The following RANBP9 variants were observed in gnomAD, a reference collection of about 807,000 sequenced individuals.
RANBP9 encodes the protein RAN binding protein 9, also known as ran-binding protein 9.
RANBP9 carries 15 observed loss-of-function variants against 84.3 expected under a neutral mutation model. The ratio of observed to expected loss-of-function variants is 0.18; its 90% confidence interval spans 0.12 to 0.27. RANBP9 has a LOEUF of 0.27. RANBP9 is among the 10% of genes least tolerant of loss of function. The pLI, the probability that RANBP9 is intolerant of heterozygous loss-of-function variation, is 1.00. For missense variants in RANBP9, 809 were observed against 912.8 expected (o/e 0.89, Z 1.46); for synonymous variants, 392 against 349.6 (o/e 1.12, Z -1.35).
chr6:13,703,036 A>G (rs1758014080), intron 1 of RANBP9, among the ~76,000 whole-genome samples: 1 of 152,182 alleles, frequency 6.6e-6, no homozygotes, highest in African/African-American at 2.4e-5. Flanking sequence ...TGTTTGAGAC[A>G]GTGTCTCATT....
At chr6:13,650,326 A>C (rs901486022) in intron 5 of RANBP9, among the ~76,000 whole-genome samples, 3 of 151,998 alleles carry the variant, frequency 2.0e-5, no homozygotes, top group Non-Finnish European at 2.9e-5. Context: ...CTTGGCTTAA[A>C]ATTATTTTCT....
In RANBP9 at chr6:13,623,891, T is replaced by C. The variant is rs186238016; in HGVS notation, c.2060-1399A>G. ...GTCTATAGATAATGGTGCTCAACAA[T>C]TAAATTCCCTTGAAGAACTCAAGAA... On this transcript the variant is annotated intron_variant, in intron 13 of 13. Transcript: ENST00000011619. Among the ~76,000 whole-genome samples, 12 of 152,290 alleles carry C rather than the reference T, an allele frequency of 7.9e-5. No individual in the cohort carries two copies. In the East Asian group the frequency reaches 2.3e-3, roughly 29 times the overall value.
At chr6:13,667,155 T>C (rs1765669138) in intron 2 of RANBP9, among the ~76,000 whole-genome samples, 1 of 152,216 alleles carries the variant, frequency 6.6e-6, no homozygotes, top group East Asian at 1.9e-4. Flanking sequence ...TCACAAATTA[T>C]GCATTTATTA....
chr6:13,650,633 T>C (rs1045123281), intron 5 of RANBP9, among the ~76,000 whole-genome samples: 12 of 152,168 alleles, frequency 7.9e-5, no homozygotes, highest in African/African-American at 2.4e-4. Context: ...GTTAACATCA[T>C]GAAAGTGACA....
Position 13,632,472 on chromosome 6 carries a change from G to A in RANBP9, c.1845C>T (p.Ala615=), listed in dbSNP as rs768948188. 6.8e-6 allele frequency: 11 copies of A among 1,613,522 alleles called. No individual in the cohort carries two copies. Among genetic ancestry groups the A allele is most frequent in the Admixed American group, 5.0e-5 (3 of 59,988 alleles). Residue 615 remains alanine, a synonymous_variant, in exon 12 of 14, where the codon GCC becomes GCT. Coordinates refer to ENST00000011619, the MANE Select transcript of RANBP9 (RefSeq NM_005493.3). ...CAAAGTGGATCATTCTTTCTATGGC[G>A]GCCTGACTTCCTCCACACAACTGGC... ...LRRQLCGGSQ[A]AIERMIHFGR...
At chr6:13,698,159 A>T (rs1272614194) in intron 1 of RANBP9, among the ~76,000 whole-genome samples, 1 of 151,746 alleles carries the variant, frequency 6.6e-6, no homozygotes, top group South Asian at 2.1e-4. Context: ...CACTCCCCCC[A>T]CAAAAAAATG....
At chr6:13,678,853 AC>A (rs1189319091) in intron 2 of RANBP9, among the ~76,000 whole-genome samples, 1 of 152,134 alleles carries the variant, frequency 6.6e-6, no homozygotes, top group Non-Finnish European at 1.5e-5. Flanking sequence ...ACTTTACCAC[AC>A]CGTATCCAAC....
chr6:13,635,049 A>G (rs910592463), intron 10 of RANBP9, among the ~76,000 whole-genome samples: 38 of 152,210 alleles, frequency 2.5e-4, no homozygotes, highest in African/African-American at 8.2e-4. Context: ...GGCTGTTTTT[A>G]AATAGCATTC....
chr6:13,639,445 T>C lies in RANBP9; in HGVS notation c.1525+118A>G, dbSNP rs192796699. 7.7e-4 allele frequency: 873 copies of C among 1,140,406 alleles called. 6 individuals carry two copies. In the African/African-American group the frequency reaches 0.013, roughly 16 times the overall value. The allele number at this position is 1,140,406 out of a possible 1,614,324, so 70.6% of individuals were successfully genotyped here. ...CGCCCACCCTGGCCTCCCAAAGTGC[T>C]GGGATTACAAGCGTGAGCCACCGTG... On this transcript the variant is annotated intron_variant, in intron 9 of 13. Coordinates refer to ENST00000011619, the MANE Select transcript of RANBP9 (RefSeq NM_005493.3).
Position 13,683,852 on chromosome 6 carries a change from A to T in RANBP9, c.683+12933T>A, listed in dbSNP as rs558597471. Among the ~76,000 whole-genome samples the T allele has an allele frequency of 3.3e-5, 5 of 152,080 alleles. No individual in the cohort carries two copies. The South Asian group carries it at 1.0e-3, about 32-fold the overall frequency. ...AGAGGTAAGGGTGATTTGGGATTTA[A>T]ACTGCACTAAAGATAACCACTTCAA... On this transcript the variant is annotated intron_variant, in intron 2 of 13. Transcript: ENST00000011619.
Position 13,637,797 on chromosome 6 carries a change from A to G in RANBP9, c.1673+11T>C. The G allele has an allele frequency of 6.4e-7, 1 of 1,572,742 alleles. No individual in the cohort carries two copies. The highest frequency in any genetic ancestry group is 8.6e-7 in the Non-Finnish European group (1 of 1,162,160). On this transcript the variant is annotated intron_variant, in intron 10 of 13. Transcript: ENST00000011619. ...GCTTATATTAGTGCAAAAGTCAGTG[A>G]AATTACTTACCTGGTGAAGTTATTA...
chr6:13,652,786 A>G (rs1765324686), intron 4 of RANBP9, 105 bp from the exon 5 acceptor site: 1 of 954,498 alleles, frequency 1.0e-6, no homozygotes, highest in Non-Finnish European at 1.6e-6. Flanking sequence ...CAAAAGAAAA[A>G]AACATTAAAG....
chr6:13,706,073 A>G (rs1758110749), intron 1 of RANBP9, among the ~76,000 whole-genome samples: 1 of 151,352 alleles, frequency 6.6e-6, no homozygotes, highest in Admixed American at 6.6e-5. Context: ...CAAAAGTTCA[A>G]CCTATCACTC....
Position 13,711,175 on chromosome 6 carries a change from C to T in RANBP9, c.331G>A (p.Gly111Ser), listed in dbSNP as rs1758270173. The change falls in exon 1 of 14, where the codon GGC becomes AGC. Residue 111 changes from glycine to serine, a missense_variant. By Grantham distance (56) the Gly-to-Ser change is moderately conservative. This residue lies in a region of RANBP9 where 302 missense variants were observed against 240.1 expected (regional missense o/e 1.26). Coordinates refer to ENST00000011619, the MANE Select transcript of RANBP9 (RefSeq NM_005493.3). ...GPPAPPGLAA[G>S]PGPAGGAPTP... ...GGGGCTCCTCCAGCCGGGCCGGGGCCCGCTGCAAGGCCCGGGGGAGCGGGC... is the reference window on the plus strand; with the variant it reads ...GGGGCTCCTCCAGCCGGGCCGGGGCTCGCTGCAAGGCCCGGGGGAGCGGGC... 7.0e-7 allele frequency: 1 copy of T among 1,420,864 alleles called. No homozygotes were observed. The highest frequency in any genetic ancestry group is 3.0e-5 in the East Asian group (1 of 33,806). 88.0% of individuals were successfully genotyped at this position (1,420,864 alleles called of 1,614,324 possible). A position where few individuals can be genotyped will look rare whatever the true frequency, so the allele number is the denominator to read the frequency against.
Position 13,711,511 on chromosome 6 carries a change from C to T in RANBP9, c.-6G>A. 8.0e-7 allele frequency: 1 copy of T among 1,248,668 alleles called. No individual in the cohort carries two copies. 77.3% of individuals were successfully genotyped at this position (1,248,668 alleles called of 1,614,324 possible). On this transcript the variant is annotated 5_prime_UTR_variant, in exon 1 of 14. Coordinates refer to ENST00000011619, the MANE Select transcript of RANBP9 (RefSeq NM_005493.3). ...GGCGGCGGCTGCCCGGACATCCCGG[C>T]CGCGACTCAGCCTGCGGCCACCTCC...
intron 5 of RANBP9, among the ~76,000 whole-genome samples, chr6:13,650,283 A>C (rs1739600689): frequency 6.6e-6 from 1 of 151,906 alleles, no homozygotes; most frequent in African/African-American, 2.4e-5. Context: ...TGCTTCTTGA[A>C]GAGTACTTTT....
intron 3 of RANBP9, among the ~76,000 whole-genome samples, 155 bp downstream of exon 3, chr6:13,658,625 C>G (rs1010399348): frequency 6.6e-6 from 1 of 151,886 alleles, no homozygotes; most frequent in Non-Finnish European, 1.5e-5. Flanking sequence ...CAAAACAAAA[C>G]AAAAAAACCC....
chr6:13,706,471 G>C lies in RANBP9; in HGVS notation c.571+4464C>G, dbSNP rs1027504639. ...GCACTTTGGGAGGGCGAGGCGGGCAGATCACGAGGTCAAGAGATCGAGACC... is the reference window on the plus strand; with the variant it reads ...GCACTTTGGGAGGGCGAGGCGGGCACATCACGAGGTCAAGAGATCGAGACC... On this transcript the variant is annotated intron_variant, in intron 1 of 13. Transcript: ENST00000011619. 2.0e-5 allele frequency among the ~76,000 whole-genome samples: 3 copies of C among 152,344 alleles called. No individual in the cohort carries two copies. The South Asian group carries it at 6.2e-4, about 32-fold the overall frequency.
At chr6:13,672,928 G>GA (rs924086523) in intron 2 of RANBP9, among the ~76,000 whole-genome samples, 3 of 151,082 alleles carry the variant, frequency 2.0e-5, no homozygotes, top group African/African-American at 7.3e-5. Context: ...TATAAAAGGT[G>GA]AAAAATATTC....
Sources: gnomAD v4.1 joint callset for allele counts (sites outside exome capture counted in the v4.1 genomes callset) on GRCh38, gnomAD v4.1.1 for gene constraint, gnomAD v4.1.1 regional missense constraint, MANE v1.5 for transcripts, NCBI Gene and HGNC (gene_info 2026-07-23, HGNC 2026-07-21) for gene names.